KCNQ1: variants seen among roughly 807,000 people sequenced by gnomAD.
The protein encoded by KCNQ1 is potassium voltage-gated channel subfamily KQT member 1.
Under a neutral mutation model 72.4 loss-of-function variants are expected in KCNQ1, and 49 were observed. The observed-to-expected ratio is 0.68, with a 90% CI of 0.54 to 0.86. The LOEUF (loss-of-function observed/expected upper bound fraction) is 0.86, where lower values mean the gene tolerates loss of function less well. Among genes scored for constraint, KCNQ1 ranks in the 40% least tolerant of loss-of-function variants. KCNQ1 has a pLI of 0.00. For synonymous variants in KCNQ1, 450 were observed against 412.6 expected (o/e 1.09, Z -1.10); for missense variants, 790 against 945.1 (o/e 0.84, Z 2.15).
At chr11:2,500,599 C>G (rs1846993584) in intron 1 of KCNQ1, among the ~76,000 whole-genome samples, 1 of 152,026 alleles carries the variant, frequency 6.6e-6, no homozygotes, top group Non-Finnish European at 1.5e-5. Context: ...CCACTATTCA[C>G]AATAGCAAAG....
chr11:2,531,410 C>G (rs1847628182), intron 2 of KCNQ1, among the ~76,000 whole-genome samples: 1 of 152,128 alleles, frequency 6.6e-6, no homozygotes, highest in African/African-American at 2.4e-5. Flanking sequence ...ATGGAGCAGA[C>G]CAGGTAGGGT....
intron 10 of KCNQ1, chr11:2,610,831 G>T (rs1848969390): frequency 5.2e-6 from 2 of 383,670 alleles, no homozygotes; most frequent in Non-Finnish European, 9.0e-6. Flanking sequence ...TTGTCTCCCT[G>T]ACACCAGAAC....
chr11:2,625,090 G>A (rs4930002), intron 10 of KCNQ1: 389,945 of 398,650 alleles, frequency 0.98, 190,767 homozygotes, highest in East Asian at 1. Context: ...CCTTCTGGGT[G>A]TATACACAGA....
chr11:2,485,457 T>C (rs1206714440), intron 1 of KCNQ1, among the ~76,000 whole-genome samples: 1 of 151,836 alleles, frequency 6.6e-6, no homozygotes, highest in Non-Finnish European at 1.5e-5. Context: ...ACGTGTGTTT[T>C]CCTGTATCCC....
Position 2,668,276 on chromosome 11 carries a change from C to T in KCNQ1, c.1514+6195C>T. 2.5e-6 allele frequency: 1 copy of T among 398,630 alleles called. No homozygotes were observed. Among genetic ancestry groups the T allele is most frequent in the South Asian group, 1.3e-4 (1 of 7,852 alleles). The allele number at this position is 398,630 out of a possible 1,614,324, so 24.7% of individuals were successfully genotyped here. ...GGTTGCTGTTTAAGAATATTCTGTACATGCTTTTGGTGAGCATCAGGTTGC... is the reference window on the plus strand; with the variant it reads ...GGTTGCTGTTTAAGAATATTCTGTATATGCTTTTGGTGAGCATCAGGTTGC... On this transcript the variant is annotated intron_variant, in intron 11 of 15. Transcript: ENST00000155840. This position sits in a 1 kb window ranked among gnomAD's most constrained non-coding sequence, Gnocchi z 4.3.
At chr11:2,778,814 G>A (rs549205142) in intron 15 of KCNQ1, among the ~76,000 whole-genome samples, 11 of 152,336 alleles carry the variant, frequency 7.2e-5, no homozygotes, top group Non-Finnish European at 1.3e-4. Flanking sequence ...TGCGTCTGCC[G>A]CCCGGTTTCC....
In KCNQ1 at chr11:2,762,011, C is replaced by T. The variant is rs997351773; in HGVS notation, c.1515-6833C>T. On this transcript the variant is annotated intron_variant, in intron 11 of 15. Coordinates refer to ENST00000155840, the MANE Select transcript of KCNQ1 (RefSeq NM_000218.3). This position sits in a 1 kb window ranked among gnomAD's most constrained non-coding sequence, Gnocchi z 4.3. ...ATGTGGGGCCGCATCCAGACCTTGG[C>T]GGTCATGGCCACAGGCTCCCAAGGC... 4.6e-5 allele frequency among the ~76,000 whole-genome samples: 7 copies of T among 152,236 alleles called. No homozygotes were observed. Among genetic ancestry groups the T allele is most frequent in the East Asian group, 1.9e-4 (1 of 5,192 alleles).
In KCNQ1 at chr11:2,457,965, C is replaced by T. The variant is rs11022922; in HGVS notation, c.386+12481C>T. 0.37 allele frequency among the ~76,000 whole-genome samples: 56,507 copies of T among 151,756 alleles called. 14,522 individuals carry two copies. The highest frequency in any genetic ancestry group is 0.72 in the African/African-American group (29,856 of 41,320). ...AGGCCCAGGACCAAGGACCACTCAG[C>T]AGCTAAGAGCATCTCTAGACCCCAG... is the stretch of plus-strand genomic sequence containing the variant. On this transcript the variant is annotated intron_variant, in intron 1 of 15. Transcript: ENST00000155840. This position sits in a 1 kb window ranked among gnomAD's most constrained non-coding sequence, Gnocchi z 5.0.
In KCNQ1 at chr11:2,458,731, G is replaced by A. The variant is rs2133578133; in HGVS notation, c.386+13247G>A. 6.6e-6 allele frequency among the ~76,000 whole-genome samples: 1 copy of A among 152,276 alleles called. No individual in the cohort carries two copies. The highest frequency in any genetic ancestry group is 6.5e-5 in the Admixed American group (1 of 15,294). On this transcript the variant is annotated intron_variant, in intron 1 of 15. Transcript: ENST00000155840. The surrounding 1 kb of genome is among the most constrained non-coding windows in gnomAD (Gnocchi z 4.6). ...TCGTGCTCTAAGTACAAGTTTACTG[G>A]AAATACTCGGGCCAGAGGAACGCGC...
chr11:2,837,454 A>G (rs1169250396), intron 15 of KCNQ1, among the ~76,000 whole-genome samples: 1 of 152,206 alleles, frequency 6.6e-6, no homozygotes, highest in East Asian at 1.9e-4. Flanking sequence ...ACTGTGCCAC[A>G]GAACAGACTC....
chr11:2,480,280 C>T (rs1264505453), intron 1 of KCNQ1, among the ~76,000 whole-genome samples: 2 of 152,140 alleles, frequency 1.3e-5, no homozygotes, highest in African/African-American at 2.4e-5. Context: ...CTGTATTAGT[C>T]CATTTTCATG....
intron 6 of KCNQ1, among the ~76,000 whole-genome samples, chr11:2,580,202 C>G (rs761895355): frequency 4.9e-4 from 75 of 152,090 alleles, no homozygotes; most frequent in Middle Eastern, 3.4e-3. Context: ...GCCGCCCAGC[C>G]CCCCTCAGGC....
At chr11:2,558,238 C>T (rs1321003075) in intron 2 of KCNQ1, among the ~76,000 whole-genome samples, 2 of 152,236 alleles carry the variant, frequency 1.3e-5, no homozygotes, top group South Asian at 2.1e-4. Context: ...GTGCCCACAT[C>T]GCTTGCTGGT....
intron 15 of KCNQ1, among the ~76,000 whole-genome samples, chr11:2,838,352 C>G (rs234870): frequency 6.6e-6 from 1 of 152,128 alleles, no homozygotes; most frequent in Non-Finnish European, 1.5e-5. Context: ...ACCGGCGCGC[C>G]GGGAAGCAGG....
Position 2,526,473 on chromosome 11 carries a change from T to C in KCNQ1, c.387-1455T>C, listed in dbSNP as rs1280348708. Among the ~76,000 whole-genome samples the C allele has an allele frequency of 1.3e-5, 2 of 151,392 alleles. No homozygotes were observed. The highest frequency in any genetic ancestry group is 1.9e-4 in the East Asian group (1 of 5,136). On this transcript the variant is annotated intron_variant, in intron 1 of 15. Coordinates refer to ENST00000155840, the MANE Select transcript of KCNQ1 (RefSeq NM_000218.3). The surrounding 1 kb of genome is among the most constrained non-coding windows in gnomAD (Gnocchi z 6.1). ...ACCCAGGGAGGGGGCCTGAGCAGGG[T>C]CTTTGGCTGAGTGAGCCCTCAAGGG...
intron 10 of KCNQ1, chr11:2,656,186 T>G: frequency 5.0e-6 from 2 of 398,592 alleles, no homozygotes; most frequent in Non-Finnish European, 8.8e-6. Flanking sequence ...TCTTTCTTCC[T>G]TCCTTTAAAA....
At chr11:2,732,957 G>A (rs1267528066) in intron 11 of KCNQ1, among the ~76,000 whole-genome samples, 1 of 152,134 alleles carries the variant, frequency 6.6e-6, no homozygotes. Context: ...GGCTCCTGCT[G>A]GGGGCTGGTG....
Position 2,678,644 on chromosome 11 carries a change from A to G in KCNQ1, c.1514+16563A>G, listed in dbSNP as rs1410569366. 7.6e-6 allele frequency: 3 copies of G among 395,070 alleles called. No individual in the cohort carries two copies. The highest frequency in any genetic ancestry group is 6.4e-5 in the African/African-American group (3 of 46,938). 24.5% of individuals were successfully genotyped at this position (395,070 alleles called of 1,614,324 possible). On this transcript the variant is annotated intron_variant, in intron 11 of 15. Coordinates refer to ENST00000155840, the MANE Select transcript of KCNQ1 (RefSeq NM_000218.3). The surrounding 1 kb of genome is among the most constrained non-coding windows in gnomAD (Gnocchi z 4.9). ...CTTAAGAGCCAATAATGGGAAGCTCATTTTCACAAATGCAGTCAACCAGGG... is the reference window on the plus strand; with the variant it reads ...CTTAAGAGCCAATAATGGGAAGCTCGTTTTCACAAATGCAGTCAACCAGGG...
intron 10 of KCNQ1, among the ~76,000 whole-genome samples, chr11:2,606,925 CAG>C (rs1848890864): frequency 9.8e-6 from 1 of 101,818 alleles, no homozygotes; most frequent in South Asian, 3.4e-4. Flanking sequence ...TTTTTTGAGA[CAG>C]AGTCTCGCTC....
Sources: allele counts gnomAD v4.1 joint callset (sites outside exome capture counted in the v4.1 genomes callset), GRCh38; gene constraint gnomAD v4.1.1; non-coding constraint Gnocchi (gnomAD v3.1); transcripts MANE v1.5; gene names NCBI Gene and HGNC (gene_info 2026-07-23, HGNC 2026-07-21).